Variants in KIF13A observed in about 807,000 individuals in gnomAD.
KIF13A encodes the protein kinesin family member 13A.
Under a neutral mutation model 212.2 loss-of-function variants are expected in KIF13A, and 79 were observed. That is an observed-to-expected ratio of 0.37 (90% confidence interval 0.31 to 0.45). The LOEUF is 0.45. Among genes scored for constraint, KIF13A ranks in the 20% least tolerant of loss-of-function variants. The pLI, the probability that KIF13A is intolerant of heterozygous loss-of-function variation, is 1.00. For missense variants in KIF13A, 1,901 were observed against 2,209.0 expected (o/e 0.86, Z 2.79); for synonymous variants, 789 against 808.6 (o/e 0.98, Z 0.41).
intron 17 of KIF13A, among the ~76,000 whole-genome samples, chr6:17,814,858 G>A (rs1763784659): frequency 6.6e-6 from 1 of 152,188 alleles, no homozygotes; most frequent in Admixed American, 6.5e-5. Flanking sequence ...GCCCCACTGG[G>A]TCTGTGGATT....
chr6:17,870,494 T>TA (rs1159758252), intron 4 of KIF13A, among the ~76,000 whole-genome samples: 4 of 152,062 alleles, frequency 2.6e-5, no homozygotes, highest in African/African-American at 9.6e-5. Context: ...ACATGAGTGA[T>TA]ATATTGCAGA....
intron 20 of KIF13A, among the ~76,000 whole-genome samples, chr6:17,803,081 C>T (rs974529601): frequency 6.6e-6 from 1 of 151,848 alleles, no homozygotes; most frequent in Admixed American, 6.6e-5. Flanking sequence ...CTACAGGTGC[C>T]CGCCACTAAG....
intron 2 of KIF13A, among the ~76,000 whole-genome samples, chr6:17,929,972 C>A (rs1775854544): frequency 6.6e-6 from 1 of 152,176 alleles, no homozygotes; most frequent in Non-Finnish European, 1.5e-5. Flanking sequence ...AGACAGCTGA[C>A]AAGAAGGGCA....
Position 17,789,779 on chromosome 6 carries a change from C to G in KIF13A, c.3261+93G>C. On this transcript the variant is annotated intron_variant, in intron 26 of 38. Coordinates refer to ENST00000259711, the MANE Select transcript of KIF13A (RefSeq NM_022113.6). This position sits in a 1 kb window ranked among gnomAD's most constrained non-coding sequence, Gnocchi z 4.8. The stretch of plus-strand genomic sequence containing the variant: ...AAAACTGCATATTCTCGCTCTAGGG[C>G]CCTCCTTCCTCCTCCCTGGCCTCTG... 15 of 949,576 alleles carry G rather than the reference C, an allele frequency of 1.6e-5. No individual in the cohort carries two copies. Among genetic ancestry groups the G allele is most frequent in the Non-Finnish European group, 2.5e-5 (15 of 608,136 alleles). 58.8% of individuals were successfully genotyped at this position (949,576 alleles called of 1,614,324 possible). A position where few individuals can be genotyped will look rare whatever the true frequency, so the allele number is the denominator to read the frequency against.
At chr6:17,860,616 G>A (rs989474046) in intron 4 of KIF13A, among the ~76,000 whole-genome samples, 1 of 151,706 alleles carries the variant, frequency 6.6e-6, no homozygotes, top group Non-Finnish European at 1.5e-5. Flanking sequence ...TGATACTGCT[G>A]TTTTCAGAAA....
At chr6:17,937,999 C>A (rs539325651) in intron 2 of KIF13A, among the ~76,000 whole-genome samples, 24 of 152,196 alleles carry the variant, frequency 1.6e-4, no homozygotes, top group African/African-American at 5.8e-4. Context: ...CCACCTGCCT[C>A]GGCCTCTCAA....
At chr6:17,874,999 G>GCGCGCGCGCACACACACACACA (rs913365480) in intron 3 of KIF13A, among the ~76,000 whole-genome samples, 1 of 120,266 alleles carries the variant, frequency 8.3e-6, no homozygotes, top group African/African-American at 3.1e-5. Context: ...ACACGCACAC[G>GCGCGCGCGCACACACACACACA]CACGCACACA....
chr6:17,765,443 G>C (rs1367413380), intron 38 of KIF13A, among the ~76,000 whole-genome samples: 1 of 152,056 alleles, frequency 6.6e-6, no homozygotes, highest in Admixed American at 6.6e-5. Flanking sequence ...TATTTTATGG[G>C]GGAGAAGAGA....
chr6:17,784,986 T>C (rs539634848), intron 28 of KIF13A, among the ~76,000 whole-genome samples: 2 of 152,328 alleles, frequency 1.3e-5, no homozygotes, highest in East Asian at 3.9e-4. Context: ...GGAATCTGAT[T>C]TCTCTTAAAT....
At position 17,834,120 on chromosome 6, in the gene KIF13A, C is replaced by A; in HGVS notation, c.1156-49G>T. The A allele has an allele frequency of 8.8e-7, 1 of 1,133,832 alleles. No homozygotes were observed. The highest frequency in any genetic ancestry group is 1.6e-5 in the African/African-American group (1 of 64,034). 70.2% of individuals were successfully genotyped at this position (1,133,832 alleles called of 1,614,324 possible). ...CTGATGTTCAAAATTTTTCCACCAT[C>A]ATATACAAGACAATCAGTTACTGTC... is the stretch of plus-strand genomic sequence containing the variant. On this transcript the variant is annotated intron_variant, in intron 11 of 38. Transcript: ENST00000259711. The surrounding 1 kb of genome is among the most constrained non-coding windows in gnomAD (Gnocchi z 4.0).
Position 17,850,809 on chromosome 6 carries a change from C to G in KIF13A, c.583-352G>C, listed in dbSNP as rs115947400. 6.6e-6 allele frequency among the ~76,000 whole-genome samples: 1 copy of G among 152,118 alleles called. No individual in the cohort carries two copies. Among genetic ancestry groups the G allele is most frequent in the Admixed American group, 6.6e-5 (1 of 15,252 alleles). ...TCTTACTCTCCTGTGCTTACCAACC[C>G]GCTGATGCCTGCCTGTCTGCCTCCC... On this transcript the variant is annotated intron_variant, in intron 7 of 38. Coordinates refer to ENST00000259711, the MANE Select transcript of KIF13A (RefSeq NM_022113.6). This position sits in a 1 kb window ranked among gnomAD's most constrained non-coding sequence, Gnocchi z 6.2.
chr6:17,825,789 T>C lies in KIF13A; in HGVS notation c.1765A>G (p.Met589Val), dbSNP rs1253178495. The part of the protein sequence containing the change: ...NYEFAQMEVI[M>V]KTLNSNDPVQ... ...TTACCATTACTATTCAGGGTTTTCA[T>C]GATAACTTCCATCTGTGCAAATTCA... is the stretch of plus-strand genomic sequence containing the variant. The change falls in exon 16 of 39, where the codon ATG becomes GTG. Residue 589 changes from methionine to valine, a missense_variant. By Grantham distance (21) the Met-to-Val change is conservative. Around this residue, in one of 5 missense-constraint regions of KIF13A, gnomAD observed 534 missense variants for 536.9 expected, o/e 0.99. Transcript: ENST00000259711. The surrounding 1 kb of genome is among the most constrained non-coding windows in gnomAD (Gnocchi z 4.5). The C allele has an allele frequency of 3.1e-6, 5 of 1,613,796 alleles. No individual in the cohort carries two copies. The East Asian group carries it at 8.9e-5, about 29-fold the overall frequency.
In KIF13A at chr6:17,951,069, AG is replaced by A. The variant is rs1777801437; in HGVS notation, c.146+35984del. 1.9e-6 allele frequency: 2 copies of A among 1,074,816 alleles called. No homozygotes were observed. The highest frequency in any genetic ancestry group is 8.9e-5 in the South Asian group (2 of 22,400). The allele number at this position is 1,074,816 out of a possible 1,614,324, so 66.6% of individuals were successfully genotyped here. A position where few individuals can be genotyped will look rare whatever the true frequency, so the allele number is the denominator to read the frequency against. On this transcript the variant is annotated intron_variant, in intron 2 of 38. Coordinates refer to ENST00000259711, the MANE Select transcript of KIF13A (RefSeq NM_022113.6). This position sits in a 1 kb window ranked among gnomAD's most constrained non-coding sequence, Gnocchi z 4.9. Reference sequence around the variant, plus strand: ...TTAGTAGTACACCTAAGGACACCTAAGGAATTGTACTTATTATATATAACAC... The same window carrying A: ...TTAGTAGTACACCTAAGGACACCTAAGAATTGTACTTATTATATATAACAC...
chr6:17,848,389 C>T (rs1767278052), intron 9 of KIF13A, among the ~76,000 whole-genome samples: 1 of 151,970 alleles, frequency 6.6e-6, no homozygotes, highest in South Asian at 2.1e-4. Context: ...ATTAACCAAC[C>T]TCTCGTTATT....
intron 29 of KIF13A, among the ~76,000 whole-genome samples, chr6:17,782,772 C>T (rs1282483571): frequency 6.6e-6 from 1 of 152,142 alleles, no homozygotes; most frequent in Non-Finnish European, 1.5e-5. Flanking sequence ...GCAATGAAAT[C>T]AATTTAGAAT....
In KIF13A at chr6:17,855,684, C is replaced by G; in HGVS notation, c.314-67G>C. ...AGCAAAATGCAATGCTTCAACCATA[C>G]AAGGTTTCCCCATATACTGGCCATG... On this transcript the variant is annotated intron_variant, in intron 5 of 38. Coordinates refer to ENST00000259711, the MANE Select transcript of KIF13A (RefSeq NM_022113.6). The surrounding 1 kb of genome is among the most constrained non-coding windows in gnomAD (Gnocchi z 4.1). 1 of 1,285,784 alleles carries G rather than the reference C, an allele frequency of 7.8e-7. No homozygotes were observed. Among genetic ancestry groups the G allele is most frequent in the Non-Finnish European group, 1.1e-6 (1 of 934,922 alleles). 79.6% of individuals were successfully genotyped at this position (1,285,784 alleles called of 1,614,324 possible).
chr6:17,794,263 G>A lies in KIF13A; in HGVS notation c.3208C>T (p.Leu1070=), dbSNP rs3734234. ...TARSTKLQRG[L]DSYQRDDEDG... ...GCTTGTCTTACCTGGTAACTGTCCA[G>A]CCCTCTTTGGAGTTTGGTGGACCTG... is the stretch of plus-strand genomic sequence containing the variant. Residue 1070 remains leucine (L), a synonymous_variant, in exon 25 of 39, where the codon CTG becomes TTG. Coordinates refer to ENST00000259711, the MANE Select transcript of KIF13A (RefSeq NM_022113.6). The surrounding 1 kb of genome is among the most constrained non-coding windows in gnomAD (Gnocchi z 4.1). 689,626 of 1,609,990 alleles carry A rather than the reference G, an allele frequency of 0.43. 152,054 individuals are homozygous for A. Among genetic ancestry groups the A allele is most frequent in the East Asian group, 0.6 (26,997 of 44,806 alleles).
chr6:17,820,209 A>G (rs1422371668), intron 16 of KIF13A, among the ~76,000 whole-genome samples: 1 of 152,150 alleles, frequency 6.6e-6, no homozygotes, highest in Non-Finnish European at 1.5e-5. Flanking sequence ...ACTAGGCATG[A>G]TGAGTGGCCA....
At position 17,764,252 on chromosome 6, in the gene KIF13A, G is replaced by C. The variant is rs890421022; in HGVS notation, c.5276C>G (p.Ser1759Cys). 2 of 1,613,880 alleles carry C rather than the reference G, an allele frequency of 1.2e-6. No homozygotes were observed. Among genetic ancestry groups the C allele is most frequent in the Admixed American group, 1.7e-5 (1 of 59,994 alleles). ...TTTATTTGGTAGACTCCTCCTACTG[G>C]AAAGCTCTCCAGCAGAAGAATCTGT... ...GLTDSSAGEL[S>C]SRRSLPNKTG... Residue 1759 changes from serine (S) to cysteine (C), a missense_variant, in exon 39 of 39, where the codon TCC (serine) becomes TGC (cysteine). Coordinates refer to ENST00000259711, the MANE Select transcript of KIF13A (RefSeq NM_022113.6). This position sits in a 1 kb window ranked among gnomAD's most constrained non-coding sequence, Gnocchi z 5.1.
Sources: gnomAD v4.1 joint callset for allele counts (sites outside exome capture counted in the v4.1 genomes callset) on GRCh38, gnomAD v4.1.1 for gene constraint, gnomAD v4.1.1 regional missense constraint, Gnocchi (gnomAD v3.1) non-coding constraint, MANE v1.5 for transcripts, NCBI Gene and HGNC (gene_info 2026-07-23, HGNC 2026-07-21) for gene names.